SNX29: variants seen among roughly 807,000 people sequenced by gnomAD.
SNX29 encodes sorting nexin-29.
In SNX29, 78 loss-of-function variants were observed where a neutral mutation model predicts 102.1. The observed-to-expected ratio is 0.76, with a 90% CI of 0.64 to 0.92. The LOEUF is 0.92. SNX29 is among the 40% of genes least tolerant of loss of function. The pLI is 0.00. For missense variants in SNX29, 1,280 were observed against 1,061.7 expected, an observed-to-expected ratio of 1.21 and a Z score of -2.86; for synonymous variants, 580 against 414.5, an observed-to-expected ratio of 1.40 and a Z score of -4.85.
chr16:12,092,626 T>C (rs1424097135), intron 11 of SNX29, among the ~76,000 whole-genome samples: 5 of 152,238 alleles, frequency 3.3e-5, no homozygotes, highest in African/African-American at 4.8e-5. Context: ...TTGACCTCTC[T>C]GTGCCTCAGT....
At chr16:12,275,389 C>A (rs1363858914) in intron 14 of SNX29, among the ~76,000 whole-genome samples, 2 of 152,232 alleles carry the variant, frequency 1.3e-5, no homozygotes, top group Non-Finnish European at 2.9e-5. Context: ...AACCTCAACT[C>A]AGTCCAGACC....
chr16:11,984,573 A>G (rs1369934088), intron 1 of SNX29, among the ~76,000 whole-genome samples: 2 of 152,046 alleles, frequency 1.3e-5, no homozygotes, highest in Non-Finnish European at 2.9e-5. Context: ...ACTTTTAACT[A>G]TTGATTCTAG....
chr16:12,567,140 C>T (rs890879383), intron 20 of SNX29, among the ~76,000 whole-genome samples: 1 of 152,344 alleles, frequency 6.6e-6, no homozygotes, highest in South Asian at 2.1e-4. Context: ...ATTTGTGAAA[C>T]TGGGCTTGGA....
chr16:12,063,894 T>C (rs1437678562), intron 9 of SNX29, among the ~76,000 whole-genome samples: 1 of 152,010 alleles, frequency 6.6e-6, no homozygotes, highest in African/African-American at 2.4e-5. Context: ...AGCCAAAGGT[T>C]ACGGGGTTGG....
At chr16:12,385,454 T>C (rs2083309320) in intron 16 of SNX29, among the ~76,000 whole-genome samples, 1 of 152,178 alleles carries the variant, frequency 6.6e-6, no homozygotes, top group Non-Finnish European at 1.5e-5. Flanking sequence ...CCCGCAGGGC[T>C]CTAGGGCTCT....
At chr16:12,540,198 A>G (rs2077266377) in intron 20 of SNX29, among the ~76,000 whole-genome samples, 1 of 152,134 alleles carries the variant, frequency 6.6e-6, no homozygotes. Flanking sequence ...GTCAGGTCCA[A>G]GGATTGGGTC....
At chr16:12,391,877 C>T (rs938244325) in intron 16 of SNX29, among the ~76,000 whole-genome samples, 9 of 152,198 alleles carry the variant, frequency 5.9e-5, no homozygotes, top group Middle Eastern at 6.8e-3. Flanking sequence ...TTTAAAATTG[C>T]GTGATTGTTA....
intron 3 of SNX29, among the ~76,000 whole-genome samples, chr16:12,018,282 A>T (rs1432413789): frequency 6.6e-6 from 1 of 152,076 alleles, no homozygotes; most frequent in African/African-American, 2.4e-5. Context: ...TTATTTTTAA[A>T]AATGATTTAT....
intron 14 of SNX29, among the ~76,000 whole-genome samples, chr16:12,230,325 A>G (rs992076792): frequency 3.3e-5 from 5 of 152,210 alleles, no homozygotes; most frequent in African/African-American, 1.2e-4. Context: ...ATCAGTTGCA[A>G]TAAATAGCTT....
chr16:12,509,899 C>T (rs2089536419), intron 19 of SNX29, among the ~76,000 whole-genome samples: 1 of 152,266 alleles, frequency 6.6e-6, no homozygotes, highest in Non-Finnish European at 1.5e-5. Flanking sequence ...CTCCCTGCCA[C>T]AGGCAGCTGC....
At chr16:12,182,008 T>C (rs1432020082) in intron 13 of SNX29, among the ~76,000 whole-genome samples, 1 of 151,900 alleles carries the variant, frequency 6.6e-6, no homozygotes, top group Non-Finnish European at 1.5e-5. Context: ...CTCACTGTTC[T>C]AAGTAGCTAG....
At chr16:12,468,221 C>G (rs2087160828) in intron 18 of SNX29, among the ~76,000 whole-genome samples, 1 of 125,240 alleles carries the variant, frequency 8.0e-6, no homozygotes, top group Admixed American at 9.8e-5. Context: ...GTTTCCCAGG[C>G]TGGAGTGCAG....
chr16:12,526,797 C>T (rs2076796318), intron 20 of SNX29: 1 of 417,650 alleles, frequency 2.4e-6, no homozygotes, highest in South Asian at 2.2e-5. Context: ...CTGCGGGGTC[C>T]ACAGCCCAGG....
chr16:12,346,711 C>A (rs149654965), intron 15 of SNX29, among the ~76,000 whole-genome samples: 126 of 152,206 alleles, frequency 8.3e-4, no homozygotes, highest in African/African-American at 2.9e-3. Context: ...GCTTTCTTTC[C>A]CCTGTCATTG....
intron 14 of SNX29, among the ~76,000 whole-genome samples, chr16:12,219,194 C>T (rs1377916178): frequency 6.6e-6 from 1 of 151,496 alleles, no homozygotes; most frequent in African/African-American, 2.4e-5. Flanking sequence ...GTGGGTGCAG[C>T]GTCCATCATT....
chr16:12,332,515 TC>T (rs1355262188), intron 15 of SNX29, among the ~76,000 whole-genome samples: 1 of 152,062 alleles, frequency 6.6e-6, no homozygotes, highest in East Asian at 1.9e-4. Flanking sequence ...GACTCTATCC[TC>T]CCCCGTCCTC....
At chr16:12,118,932 T>C (rs1025539783) in intron 11 of SNX29, among the ~76,000 whole-genome samples, 1 of 152,114 alleles carries the variant, frequency 6.6e-6, no homozygotes, top group African/African-American at 2.4e-5. Flanking sequence ...TTCACTGATG[T>C]GGGTGGAATG....
rs571991799 is a variant in SNX29 at position 12,417,752 on chromosome 16, C to T, written c.2037+14223C>T. Among the ~76,000 whole-genome samples, 5 of 152,104 alleles carry T rather than the reference C, an allele frequency of 3.3e-5. No homozygotes were observed. The South Asian group carries it at 8.3e-4, about 25-fold the overall frequency. On this transcript the variant is annotated intron_variant, in intron 18 of 20. Transcript: ENST00000566228. ...TCCTCCCACTTCTTGTCTCCTCACC[C>T]TCCTCACCCTTTCCCTTCCCCTTTC...
At chr16:12,055,154 G>A (rs1380183819) in intron 8 of SNX29, among the ~76,000 whole-genome samples, 1 of 151,770 alleles carries the variant, frequency 6.6e-6, no homozygotes. Context: ...TCTCTGTCCT[G>A]CTCTATTTTT....
Sources: allele counts gnomAD v4.1 joint callset (sites outside exome capture counted in the v4.1 genomes callset), GRCh38; gene constraint gnomAD v4.1.1; transcripts MANE v1.5; gene names NCBI Gene and HGNC (gene_info 2026-07-23, HGNC 2026-07-21).